ZFPM2: variants seen among roughly 807,000 people sequenced by gnomAD.
The protein encoded by ZFPM2 is zinc finger protein, FOG family member 2.
ZFPM2 carries 20 observed loss-of-function variants against 98.6 expected under a neutral mutation model. The ratio of observed to expected loss-of-function variants is 0.20; its 90% confidence interval spans 0.14 to 0.29. ZFPM2 has a LOEUF of 0.29. Among genes scored for constraint, ZFPM2 ranks in the 10% least tolerant of loss-of-function variants. The pLI, the probability that ZFPM2 is intolerant of heterozygous loss-of-function variation, is 1.00. For synonymous variants in ZFPM2, 518 were observed against 502.7 expected, an observed-to-expected ratio of 1.03 and a Z score of -0.41; for missense variants, 1,310 against 1,388.6, an observed-to-expected ratio of 0.94 and a Z score of 0.90.
At chr8:105,373,508 C>T (rs1212370319) in intron 1 of ZFPM2, among the ~76,000 whole-genome samples, 1 of 152,170 alleles carries the variant, frequency 6.6e-6, no homozygotes, top group Non-Finnish European at 1.5e-5. Context: ...GAGAGAGCTT[C>T]TCTGGGCCTT....
intron 5 of ZFPM2, among the ~76,000 whole-genome samples, chr8:105,642,148 GA>G (rs1327899035): frequency 6.6e-6 from 1 of 152,014 alleles, no homozygotes; most frequent in Non-Finnish European, 1.5e-5. Flanking sequence ...CTTTAGGGTA[GA>G]TTTTTTTTCA....
At chr8:105,798,474 A>G (rs867288909) in intron 6 of ZFPM2, 24 of 394,218 alleles carry the variant, frequency 6.1e-5, no homozygotes, top group Non-Finnish European at 7.8e-5. Context: ...AATAAAATCA[A>G]TATCTTGTGT....
intron 5 of ZFPM2, among the ~76,000 whole-genome samples, chr8:105,735,644 T>C (rs1357609812): frequency 5.3e-5 from 8 of 151,942 alleles, no homozygotes; most frequent in Non-Finnish European, 1.2e-4. Flanking sequence ...TCAAAATAAT[T>C]TGCCTGATCA....
chr8:105,384,438 T>A (rs558490743), intron 1 of ZFPM2, among the ~76,000 whole-genome samples: 2 of 152,192 alleles, frequency 1.3e-5, no homozygotes, highest in East Asian at 3.9e-4. Context: ...GGATTATCCA[T>A]AGAGTTCCCC....
chr8:105,347,138 G>A (rs540973641), intron 1 of ZFPM2, among the ~76,000 whole-genome samples: 5 of 125,666 alleles, frequency 4.0e-5, no homozygotes, highest in African/African-American at 1.2e-4. Context: ...CCCCCACCCC[G>A]CCCCCCAAAA....
At chr8:105,434,010 A>G (rs1356488562) in intron 2 of ZFPM2, among the ~76,000 whole-genome samples, 2 of 152,236 alleles carry the variant, frequency 1.3e-5, no homozygotes, top group Non-Finnish European at 2.9e-5. Flanking sequence ...CAAATAAGTT[A>G]CAAAGAAGTC....
At chr8:105,675,248 A>G (rs1284564975) in intron 5 of ZFPM2, among the ~76,000 whole-genome samples, 1 of 152,218 alleles carries the variant, frequency 6.6e-6, no homozygotes, top group Non-Finnish European at 1.5e-5. Flanking sequence ...GACCTCTGCT[A>G]GAAAGATATG....
intron 4 of ZFPM2, among the ~76,000 whole-genome samples, chr8:105,621,427 C>T (rs1296449359): frequency 2.0e-5 from 3 of 152,144 alleles, no homozygotes; most frequent in Non-Finnish European, 4.4e-5. Flanking sequence ...AGGTTTGGGG[C>T]TGAGACTATG....
chr8:105,779,083 G>T (rs1048561251), intron 5 of ZFPM2, among the ~76,000 whole-genome samples: 1 of 152,052 alleles, frequency 6.6e-6, no homozygotes, highest in African/African-American at 2.4e-5. Flanking sequence ...TTTAGAAAAG[G>T]CATTAGAATA....
intron 5 of ZFPM2, among the ~76,000 whole-genome samples, chr8:105,709,068 A>C (rs999068879): frequency 6.6e-6 from 1 of 152,162 alleles, no homozygotes; most frequent in Non-Finnish European, 1.5e-5. Flanking sequence ...ATTTTTTGGT[A>C]GTAGAGAAAG....
Position 105,803,350 on chromosome 8 carries a change from G to A in ZFPM2, c.3268G>A (p.Val1090Ile), listed in dbSNP as rs191385674. 177 of 1,610,132 alleles carry A rather than the reference G, an allele frequency of 1.1e-4. 2 individuals carry two copies. The Admixed American group carries it at 2.9e-3, about 26-fold the overall frequency. Residue 1090 changes from valine (V) to isoleucine (I), a missense_variant, in exon 8 of 8, where the codon GTC becomes ATC. By Grantham distance (29) the Val-to-Ile change is conservative. Coordinates refer to ENST00000407775, the MANE Select transcript of ZFPM2 (RefSeq NM_012082.4). ...SENPLAANEN[V>I]SPGIPSAEEQ... Reference sequence around the variant, plus strand: ...GAACCCATTAGCTGCCAATGAGAATGTCTCACCAGGAATTCCCTCAGCAGA... The same window carrying A: ...GAACCCATTAGCTGCCAATGAGAATATCTCACCAGGAATTCCCTCAGCAGA...
chr8:105,429,864 A>G (rs1186776294), intron 2 of ZFPM2, among the ~76,000 whole-genome samples: 1 of 152,220 alleles, frequency 6.6e-6, no homozygotes, highest in Non-Finnish European at 1.5e-5. Flanking sequence ...AAAATTATGT[A>G]GTATGCATCT....
At chr8:105,683,971 A>G (rs1810671826) in intron 5 of ZFPM2, among the ~76,000 whole-genome samples, 1 of 152,166 alleles carries the variant, frequency 6.6e-6, no homozygotes, top group Non-Finnish European at 1.5e-5. Flanking sequence ...GAATGAATGG[A>G]TGGATCATTC....
rs770366065 is a variant in ZFPM2 at position 105,580,799 on chromosome 8, T to TTCTC, written c.420+19344_420+19347dup. 2.0e-3 allele frequency among the ~76,000 whole-genome samples: 293 copies of TTCTC among 142,952 alleles called. 1 individual carries two copies. Among genetic ancestry groups the TTCTC allele is most frequent in the African/African-American group, 4.2e-3 (159 of 38,298 alleles). The allele number at this position is 142,952 out of a possible 152,430, so 93.8% of individuals were successfully genotyped here. The stretch of plus-strand genomic sequence containing the variant: ...GTAACAGTGCAAGTAATAATCATCA[T>TTCTC]TCTCTCTCTCTCTCTCTCTCTCTCT... On this transcript the variant is annotated intron_variant, in intron 4 of 7. Coordinates refer to ENST00000407775, the MANE Select transcript of ZFPM2 (RefSeq NM_012082.4).
At chr8:105,643,317 C>T (rs1208023653) in intron 5 of ZFPM2, among the ~76,000 whole-genome samples, 3 of 152,136 alleles carry the variant, frequency 2.0e-5, no homozygotes, top group African/African-American at 7.2e-5. Flanking sequence ...GCATCACCAT[C>T]GTTTTCCTAT....
chr8:105,400,604 T>A (rs1243927013), intron 1 of ZFPM2, among the ~76,000 whole-genome samples: 3 of 152,194 alleles, frequency 2.0e-5, no homozygotes, highest in Non-Finnish European at 4.4e-5. Flanking sequence ...CTGGATGGTG[T>A]TTTTATTGTG....
At chr8:105,360,358 TTAAAA>T (rs1270186125) in intron 1 of ZFPM2, among the ~76,000 whole-genome samples, 2 of 152,284 alleles carry the variant, frequency 1.3e-5, no homozygotes, top group Admixed American at 6.5e-5. Context: ...CAGTAAAAAA[TTAAAA>T]TAAATACATG....
chr8:105,415,716 G>A (rs1308753700), intron 1 of ZFPM2, among the ~76,000 whole-genome samples: 7 of 152,114 alleles, frequency 4.6e-5, no homozygotes, highest in African/African-American at 1.4e-4. Flanking sequence ...AATGTAGAGA[G>A]TAGAGTGAGA....
chr8:105,788,770 A>G lies in ZFPM2; in HGVS notation c.585A>G (p.Leu195=), dbSNP rs1813499432. Reference sequence around the variant, plus strand: ...AGGCCATCTCTGAGGGTGAAGAGCTAATTGCCTTTGTGGTGGATTTTGACT... The same window carrying G: ...AGGCCATCTCTGAGGGTGAAGAGCTGATTGCCTTTGTGGTGGATTTTGACT... ...TTKAISEGEE[L]IAFVVDFDSR... The change falls in exon 6 of 8, where the codon CTA becomes CTG. Residue 195 remains leucine, a synonymous_variant. Transcript: ENST00000407775. The G allele has an allele frequency of 6.2e-7, 1 of 1,613,840 alleles. No homozygotes were observed. The highest frequency in any genetic ancestry group is 1.3e-5 in the African/African-American group (1 of 74,912).
Sources: gnomAD v4.1 joint callset for allele counts (sites outside exome capture counted in the v4.1 genomes callset) on GRCh38, gnomAD v4.1.1 for gene constraint, MANE v1.5 for transcripts, NCBI Gene and HGNC (gene_info 2026-07-23, HGNC 2026-07-21) for gene names.